FANCA: variants seen among roughly 807,000 people sequenced by gnomAD.
FANCA encodes the protein Fanconi anemia group A protein.
FANCA carries 236 observed loss-of-function variants against 194.3 expected under a neutral mutation model. The observed-to-expected ratio is 1.21, with a 90% CI of 1.09 to 1.35. The LOEUF (loss-of-function observed/expected upper bound fraction) is 1.35, where lower values mean the gene tolerates loss of function less well. Among genes scored for constraint, FANCA ranks in the 40% most tolerant of loss-of-function variants. FANCA has a pLI of 0.00. For missense variants in FANCA, 2,628 were observed against 1,813.9 expected, an observed-to-expected ratio of 1.45 and a Z score of -8.15; for synonymous variants, 1,014 against 715.8, an observed-to-expected ratio of 1.42 and a Z score of -6.65.
intron 15 of FANCA, among the ~76,000 whole-genome samples, chr16:89,784,164 G>T (rs899323808): frequency 6.6e-6 from 1 of 151,814 alleles, no homozygotes; most frequent in Non-Finnish European, 1.5e-5. Flanking sequence ...TCAGTTCAAG[G>T]CCAGCCTGGG....
chr16:89,802,223 C>T (rs2040481161), intron 8 of FANCA, among the ~76,000 whole-genome samples: 1 of 151,942 alleles, frequency 6.6e-6, no homozygotes, highest in Admixed American at 6.6e-5. Flanking sequence ...CCTGCCTCCA[C>T]GCCTGTAGCT....
chr16:89,804,311 T>C (rs1332664717), intron 7 of FANCA, among the ~76,000 whole-genome samples: 2 of 152,120 alleles, frequency 1.3e-5, no homozygotes, highest in African/African-American at 4.8e-5. Context: ...AGAACCCAAA[T>C]ATCCCAGAGA....
chr16:89,777,167 G>A (rs555119616), intron 20 of FANCA, among the ~76,000 whole-genome samples: 79 of 147,816 alleles, frequency 5.3e-4, no homozygotes, highest in African/African-American at 1.6e-3. Context: ...GTGGTGGATC[G>A]CGCCTCTAGA....
At chr16:89,793,962 G>C (rs1268075856) in intron 11 of FANCA, among the ~76,000 whole-genome samples, 2 of 152,064 alleles carry the variant, frequency 1.3e-5, no homozygotes, top group Admixed American at 1.3e-4. Flanking sequence ...CTTTTGGCCA[G>C]GCTGGTCTCG....
intron 14 of FANCA, among the ~76,000 whole-genome samples, chr16:89,786,917 A>G (rs2039917282): frequency 6.6e-6 from 1 of 152,190 alleles, no homozygotes; most frequent in African/African-American, 2.4e-5. Flanking sequence ...CCCTCCATTC[A>G]GCCATCCACA....
chr16:89,767,935 C>A (rs546917889), intron 26 of FANCA, among the ~76,000 whole-genome samples: 1 of 152,214 alleles, frequency 6.6e-6, no homozygotes, highest in South Asian at 2.1e-4. Flanking sequence ...ATCTGCCCAC[C>A]TCAGCCACTC....
At chr16:89,773,212 A>C in intron 22 of FANCA, 59 bp downstream of exon 22, 1 of 1,350,936 alleles carries the variant, frequency 7.4e-7, no homozygotes, top group Non-Finnish European at 1.0e-6. Context: ...GCCCAGCCAC[A>C]GAGCTCCAAC....
At chr16:89,786,177 C>A (rs932320228) in intron 14 of FANCA, among the ~76,000 whole-genome samples, 1 of 104,850 alleles carries the variant, frequency 9.5e-6, no homozygotes, top group African/African-American at 4.7e-5. Context: ...TGCCACCAAG[C>A]CCGGTTTTTT....
In FANCA at chr16:89,805,276, G is replaced by A. The variant is rs767917615; in HGVS notation, c.709+4C>T. 6 of 1,608,158 alleles carry A rather than the reference G, an allele frequency of 3.7e-6. No homozygotes were observed. Among genetic ancestry groups the A allele is most frequent in the South Asian group, 2.2e-5 (2 of 90,866 alleles). Reference sequence around the variant, plus strand: ...CAAGAACCCGCATCTTGTCATGAACGCACCAGAAAGCATGGCCCTGGCGAC... The same window carrying A: ...CAAGAACCCGCATCTTGTCATGAACACACCAGAAAGCATGGCCCTGGCGAC... On this transcript the variant is annotated splice_donor_region_variant and intron_variant, in intron 7 of 42. Transcript: ENST00000389301.
intron 24 of FANCA, 27 bp from the exon 25 acceptor site, chr16:89,770,286 G>T (rs924886738): frequency 6.5e-7 from 1 of 1,540,548 alleles, no homozygotes; most frequent in Non-Finnish European, 8.8e-7. Flanking sequence ...GAAACCATCA[G>T]TACTAGCCAT....
chr16:89,795,116 C>G (rs1489721919), intron 11 of FANCA, among the ~76,000 whole-genome samples: 3 of 151,792 alleles, frequency 2.0e-5, no homozygotes, highest in African/African-American at 7.3e-5. Flanking sequence ...GAAAGCCCGT[C>G]TCTACTAAAA....
At chr16:89,748,549 C>T in intron 33 of FANCA, 110 bp downstream of exon 33, 1 of 893,630 alleles carries the variant, frequency 1.1e-6, no homozygotes, top group Non-Finnish European at 1.8e-6. Flanking sequence ...GACTTTGAAC[C>T]CTTTCCTCAG....
intron 28 of FANCA, among the ~76,000 whole-genome samples, chr16:89,762,297 T>C (rs948170164): frequency 6.6e-6 from 1 of 152,138 alleles, no homozygotes; most frequent in Non-Finnish European, 1.5e-5. Flanking sequence ...TAAGACCTCA[T>C]CTCATTTAAA....
intron 14 of FANCA, among the ~76,000 whole-genome samples, chr16:89,785,567 G>A (rs1048903056): frequency 2.0e-5 from 3 of 152,182 alleles, no homozygotes; most frequent in African/African-American, 7.2e-5. Context: ...CAGGAACGAA[G>A]GGGGCTGCAG....
intron 7 of FANCA, among the ~76,000 whole-genome samples, chr16:89,803,787 A>C (rs2040540889): frequency 6.6e-6 from 1 of 151,878 alleles, no homozygotes. Flanking sequence ...CACCCAGCTA[A>C]TTTTTGTATT....
In FANCA at chr16:89,815,809, G is replaced by A; in HGVS notation, c.189+68C>T. The A allele has an allele frequency of 8.2e-6, 10 of 1,223,440 alleles. No homozygotes were observed. In the South Asian group the frequency reaches 8.4e-5, roughly 10 times the overall value. 75.8% of individuals were successfully genotyped at this position (1,223,440 alleles called of 1,614,324 possible). A position where few individuals can be genotyped will look rare whatever the true frequency, so the allele number is the denominator to read the frequency against. On this transcript the variant is annotated intron_variant, in intron 2 of 42. Coordinates refer to ENST00000389301, the MANE Select transcript of FANCA (RefSeq NM_000135.4). Reference sequence around the variant, plus strand: ...CCTCGGGTGTTTTCTTAGGAAAGCTGTGCGGTGGCTGGACTCAAAAACCCC... The same window carrying A: ...CCTCGGGTGTTTTCTTAGGAAAGCTATGCGGTGGCTGGACTCAAAAACCCC...
intron 20 of FANCA, among the ~76,000 whole-genome samples, chr16:89,777,090 G>A (rs901795613): frequency 6.6e-6 from 1 of 152,030 alleles, no homozygotes; most frequent in Non-Finnish European, 1.5e-5. Context: ...CGCGCCTCTA[G>A]ACCCAGCTAC....
In FANCA at chr16:89,738,717, G is replaced by A. The variant is rs368506826; in HGVS notation, c.4261-9C>T. 10 of 1,613,784 alleles carry A rather than the reference G, an allele frequency of 6.2e-6. No homozygotes were observed. The highest frequency in any genetic ancestry group is 1.7e-5 in the Admixed American group (1 of 59,990). ...CCACGATCAGCCAGCAGCTGTGAGAGAGGAGCAGGTCCTCAGCCCATGCCG... is the reference window on the plus strand; with the variant it reads ...CCACGATCAGCCAGCAGCTGTGAGAAAGGAGCAGGTCCTCAGCCCATGCCG... On this transcript the variant is annotated splice_polypyrimidine_tract_variant and intron_variant, in intron 42 of 42. Transcript: ENST00000389301.
chr16:89,799,001 T>C, intron 10 of FANCA, 165 bp downstream of exon 10: 2 of 1,614,148 alleles, frequency 1.2e-6, no homozygotes, highest in Admixed American at 1.7e-5. Flanking sequence ...TTCCCCGGGC[T>C]TTCCCATGGT....
Sources: gnomAD v4.1 joint callset for allele counts (sites outside exome capture counted in the v4.1 genomes callset) on GRCh38, gnomAD v4.1.1 for gene constraint, MANE v1.5 for transcripts, NCBI Gene and HGNC (gene_info 2026-07-23, HGNC 2026-07-21) for gene names.